COG3: variants seen among roughly 807,000 people sequenced by gnomAD.
The protein encoded by COG3 is component of oligomeric golgi complex 3.
COG3 carries 32 observed loss-of-function variants against 114.1 expected under a neutral mutation model. The observed-to-expected ratio is 0.28, with a 90% confidence interval of 0.21 to 0.38. The LOEUF (loss-of-function observed/expected upper bound fraction) is 0.38. Among genes scored for constraint, COG3 ranks in the 10% least tolerant of loss-of-function variants. The pLI is 1.00. For synonymous variants in COG3, 352 were observed against 365.7 expected (o/e 0.96, Z 0.43); for missense variants, 813 against 973.2 (o/e 0.84, Z 2.19).
rs1177063923 is a variant in COG3, at chr13:45,530,664, C to G, written c.2359-18C>G. 2 of 1,438,136 alleles carry G rather than the reference C, an allele frequency of 1.4e-6. No individual in the cohort carries two copies. Among genetic ancestry groups the G allele is most frequent in the South Asian group, 2.3e-5 (2 of 87,538 alleles). 89.1% of individuals were successfully genotyped at this position (1,438,136 alleles called of 1,614,324 possible). On this transcript the variant is annotated intron_variant, in intron 21 of 22. Coordinates refer to ENST00000349995, the MANE Select transcript of COG3 (RefSeq NM_031431.4). ...TAAGACAACTCATTTGATAAGATCTCCTCTCCTCCTTTCTAAGAATAATAT... is the reference window on the plus strand; with the variant it reads ...TAAGACAACTCATTTGATAAGATCTGCTCTCCTCCTTTCTAAGAATAATAT...
At chr13:45,501,733 G>T (rs2137856631) in intron 13 of COG3, among the ~76,000 whole-genome samples, 1 of 152,268 alleles carries the variant, frequency 6.6e-6, no homozygotes, top group Middle Eastern at 3.4e-3. Context: ...ATATGTGTGT[G>T]TACTAGATCA....
chr13:45,481,177 G>A, intron 4 of COG3, 53 bp from the exon 5 acceptor site: 2 of 990,132 alleles, frequency 2.0e-6, no homozygotes, highest in Non-Finnish European at 3.1e-6. Context: ...AGACTGGCAT[G>A]TTGATTCTTA....
chr13:45,522,972 A>C (rs1157239448), intron 19 of COG3, among the ~76,000 whole-genome samples: 4 of 152,192 alleles, frequency 2.6e-5, no homozygotes, highest in African/African-American at 9.6e-5. Flanking sequence ...GACTGAAGTT[A>C]AGGTTATCAG....
At position 45,501,305 on chromosome 13, in the gene COG3, A is replaced by G. The variant is rs912712353; in HGVS notation, c.1489-1939A>G. Among the ~76,000 whole-genome samples, 12 of 152,280 alleles carry G rather than the reference A, an allele frequency of 7.9e-5. 1 individual carries two copies. Among genetic ancestry groups the G allele is most frequent in the South Asian group, 4.1e-4 (2 of 4,828 alleles). On this transcript the variant is annotated intron_variant, in intron 13 of 22. Transcript: ENST00000349995. ...TCTCTTTTTCCAGTTTGTTGATTCA[A>G]TCACTTACTGATGTCAGTGTGGACT...
chr13:45,482,396 A>T lies in COG3; in HGVS notation c.640A>T (p.Thr214Ser). The change falls in exon 6 of 23, where the codon ACA (threonine) becomes TCA (serine). Residue 214 changes from threonine (T) to serine (S), a missense_variant. This residue lies in a region of COG3 where 424 missense variants were observed against 430.6 expected (regional missense o/e 0.98). Transcript: ENST00000349995. ...ETINTKLNSP[T>S]LSVNSDGFIP... ...TCTCTTAAAGAAATTGAATTCCCCT[A>T]CATTGTCGGTGAATAGTGACGGATT... is the stretch of plus-strand genomic sequence containing the variant. 1 of 1,539,214 alleles carries T rather than the reference A, an allele frequency of 6.5e-7. No homozygotes were observed. Among genetic ancestry groups the T allele is most frequent in the Non-Finnish European group, 8.9e-7 (1 of 1,119,030 alleles).
At chr13:45,512,103 G>C (rs943867376) in intron 16 of COG3, 11 of 364,508 alleles carry the variant, frequency 3.0e-5, no homozygotes, top group Non-Finnish European at 5.5e-5. Flanking sequence ...ATAGAGTAAA[G>C]GTTTCTTGTT....
chr13:45,483,698 T>A (rs1285740003), intron 7 of COG3, among the ~76,000 whole-genome samples: 3 of 152,170 alleles, frequency 2.0e-5, no homozygotes, highest in Admixed American at 2.0e-4. Flanking sequence ...AAAGTGGCTG[T>A]GTCTGAGTGG....
chr13:45,486,339 C>CGGGAGACGGGAGACGGAGAGGGAGA (rs1555295083), intron 7 of COG3, among the ~76,000 whole-genome samples, 156 bp from the exon 8 acceptor site: 6 of 55,214 alleles, frequency 1.1e-4, no homozygotes, highest in Non-Finnish European at 1.5e-4. Flanking sequence ...AGACGGGAGA[C>CGGGAGACGGGAGACGGAGAGGGAGA]GGGAGAGGGA....
At chr13:45,533,963 G>A (rs1338902747) in intron 22 of COG3, among the ~76,000 whole-genome samples, 1 of 152,222 alleles carries the variant, frequency 6.6e-6, no homozygotes, top group South Asian at 2.1e-4. Context: ...CTGATAGAAT[G>A]GTTCACAGCC....
intron 16 of COG3, 181 bp downstream of exon 16, chr13:45,512,035 A>G (rs1200408779): frequency 5.6e-6 from 3 of 531,422 alleles, no homozygotes; most frequent in East Asian, 3.1e-5. Flanking sequence ...AGACTGTACT[A>G]TATAAGAGAG....
At chr13:45,513,376 T>C (rs1871149344) in intron 16 of COG3, among the ~76,000 whole-genome samples, 1 of 122,584 alleles carries the variant, frequency 8.2e-6, no homozygotes, top group Non-Finnish European at 1.6e-5. Context: ...AAATTATACA[T>C]ATAATATATA....
At chr13:45,490,864 T>TTATAATCA (rs1886975693) in intron 8 of COG3, 51 bp from the exon 9 acceptor site, 1 of 982,664 alleles carries the variant, frequency 1.0e-6, no homozygotes, top group African/African-American at 1.7e-5. Context: ...CAGAAAGTAA[T>TTATAATCA]GGATAATATA....
At chr13:45,482,535 C>A in intron 6 of COG3, 62 bp downstream of exon 6, 2 of 793,614 alleles carry the variant, frequency 2.5e-6, no homozygotes, top group South Asian at 1.7e-5. Flanking sequence ...CTGTTCCTAT[C>A]TTTTTGTGTT....
At chr13:45,512,341 G>C (rs552280282) in intron 16 of COG3, among the ~76,000 whole-genome samples, 26 of 152,096 alleles carry the variant, frequency 1.7e-4, no homozygotes, top group Non-Finnish European at 3.4e-4. Flanking sequence ...AATTTTGTTT[G>C]TTTGTTTTGA....
chr13:45,520,311 AAAT>A (rs2137907340), intron 19 of COG3, among the ~76,000 whole-genome samples: 1 of 41,530 alleles, frequency 2.4e-5, no homozygotes, highest in African/African-American at 1.1e-4. Context: ...ATAAAAATAA[AAAT>A]AAAAAAAGAG....
chr13:45,493,510 T>G (rs1887143236), intron 12 of COG3, 24 bp downstream of exon 12: 1 of 1,599,518 alleles, frequency 6.3e-7, no homozygotes, highest in African/African-American at 1.3e-5. Context: ...AATGATCATT[T>G]TAAGTTATAT....
chr13:45,506,423 G>T (rs1870154593), intron 14 of COG3, among the ~76,000 whole-genome samples: 1 of 152,166 alleles, frequency 6.6e-6, no homozygotes, highest in Non-Finnish European at 1.5e-5. Flanking sequence ...GCGTAAACAG[G>T]TGAGAAGATC....
intron 13 of COG3, among the ~76,000 whole-genome samples, chr13:45,500,036 A>G (rs35600024): frequency 2.5e-4 from 27 of 109,598 alleles, no homozygotes; most frequent in African/African-American, 1.2e-3. Flanking sequence ...ATATATATAT[A>G]TGTATGTGTG....
intron 14 of COG3, among the ~76,000 whole-genome samples, chr13:45,506,525 A>C (rs920882075): frequency 3.9e-5 from 6 of 152,212 alleles, no homozygotes; most frequent in African/African-American, 1.4e-4. Flanking sequence ...AAGTCTGTGG[A>C]AAGTAATAAG....
Sources: allele counts gnomAD v4.1 joint callset (sites outside exome capture counted in the v4.1 genomes callset), GRCh38; gene constraint gnomAD v4.1.1; regional missense constraint gnomAD v4.1.1; transcripts MANE v1.5; gene names NCBI Gene and HGNC (gene_info 2026-07-23, HGNC 2026-07-21).